FRMD6: variants seen among roughly 807,000 people sequenced by gnomAD.
The protein encoded by FRMD6 is FERM domain-containing protein 6.
Under a neutral mutation model 73.2 loss-of-function variants are expected in FRMD6, and 37 were observed. The ratio of observed to expected loss-of-function variants is 0.51; its 90% CI spans 0.39 to 0.66. FRMD6 has a LOEUF of 0.66. FRMD6 is among the 30% of genes least tolerant of loss of function. The pLI, the probability that FRMD6 is intolerant of heterozygous loss-of-function variation, is 0.00. For synonymous variants in FRMD6, 273 were observed against 282.2 expected, an observed-to-expected ratio of 0.97 and a Z score of 0.33; for missense variants, 714 against 780.5, an observed-to-expected ratio of 0.91 and a Z score of 1.02.
intron 2 of FRMD6, among the ~76,000 whole-genome samples, chr14:51,626,580 T>A (rs1891125335): frequency 6.6e-6 from 1 of 152,224 alleles, no homozygotes; most frequent in Admixed American, 6.5e-5. Flanking sequence ...GTGCCTTCTA[T>A]ATAGCAGGCT....
At chr14:51,429,389 C>T in the FRMD6 span, among the ~76,000 whole-genome samples, 117 of 151,510 alleles carry the variant, frequency 7.7e-4, 2 homozygotes, top group East Asian at 0.018. Flanking sequence ...GCAACCCAGC[C>T]GTTCAAAAAC....
the FRMD6 span, among the ~76,000 whole-genome samples, chr14:51,416,735 C>G: frequency 6.6e-6 from 1 of 152,190 alleles, no homozygotes; most frequent in East Asian, 1.9e-4. Flanking sequence ...GTTGATCTGT[C>G]TAATACTGAC....
At chr14:51,438,391 A>G in the FRMD6 span, among the ~76,000 whole-genome samples, 1 of 152,222 alleles carries the variant, frequency 6.6e-6, no homozygotes, top group Non-Finnish European at 1.5e-5. Context: ...GCTCAGTTTT[A>G]AAGGTTAAAA....
At chr14:51,442,405 A>T in the FRMD6 span, among the ~76,000 whole-genome samples, 1 of 151,898 alleles carries the variant, frequency 6.6e-6, no homozygotes, top group African/African-American at 2.4e-5. Context: ...TTTAAATTCC[A>T]TCCCTTGATG....
chr14:51,444,498 C>A, the FRMD6 span, among the ~76,000 whole-genome samples: 1 of 152,168 alleles, frequency 6.6e-6, no homozygotes. Context: ...TGTAACGAAT[C>A]CATTGTTAGC....
the FRMD6 span, among the ~76,000 whole-genome samples, chr14:51,451,175 C>T: frequency 6.6e-6 from 1 of 152,170 alleles, no homozygotes; most frequent in Non-Finnish European, 1.5e-5. Context: ...CTACATAAAG[C>T]TCAATGCATG....
At chr14:51,674,287 C>T (rs1205128371) in intron 1 of FRMD6, among the ~76,000 whole-genome samples, 2 of 152,132 alleles carry the variant, frequency 1.3e-5, no homozygotes, top group East Asian at 3.8e-4. Flanking sequence ...GCACTCCTCT[C>T]GATGAGTGCT....
Position 51,671,524 on chromosome 14 carries a change from A to G in FRMD6, c.-146-18167A>G, listed in dbSNP as rs149822473. On this transcript the variant is annotated intron_variant, in intron 1 of 13. Transcript: ENST00000344768. ...TACTAACATGTTATAAGATACCTGA[A>G]TAGGATCTAGTTTGAGGCACTAAAA... is the stretch of plus-strand genomic sequence containing the variant. Among the ~76,000 whole-genome samples, 483 of 152,328 alleles carry G rather than the reference A, an allele frequency of 3.2e-3. 8 individuals carry two copies. Among genetic ancestry groups the G allele is most frequent in the East Asian group, 0.032 (164 of 5,192 alleles).
chr14:51,540,117 G>A (rs560960041), intron 1 of FRMD6, among the ~76,000 whole-genome samples: 16 of 152,190 alleles, frequency 1.1e-4, no homozygotes, highest in African/African-American at 3.9e-4. Context: ...AAATTCTAGT[G>A]CTTTGGTGAT....
At chr14:51,601,192 G>A (rs919575238) in intron 2 of FRMD6, among the ~76,000 whole-genome samples, 2 of 152,096 alleles carry the variant, frequency 1.3e-5, no homozygotes, top group Non-Finnish European at 2.9e-5. Context: ...GAAGCCTCTG[G>A]TCAGGGTTGG....
At chr14:51,687,124 T>C (rs1001237475) in intron 1 of FRMD6, among the ~76,000 whole-genome samples, 1 of 152,164 alleles carries the variant, frequency 6.6e-6, no homozygotes, top group Non-Finnish European at 1.5e-5. Flanking sequence ...AAGCAAAAAT[T>C]GTACCCAAAT....
chr14:51,632,234 T>C (rs1891365791), intron 2 of FRMD6, among the ~76,000 whole-genome samples: 2 of 152,232 alleles, frequency 1.3e-5, no homozygotes, highest in African/African-American at 2.4e-5. Flanking sequence ...TGCTGAACTT[T>C]GAGTTAATTA....
intron 11 of FRMD6, among the ~76,000 whole-genome samples, chr14:51,721,319 A>C (rs1897550536): frequency 6.6e-6 from 1 of 152,230 alleles, no homozygotes; most frequent in African/African-American, 2.4e-5. Flanking sequence ...TCCGATAAGA[A>C]AGAACAAGTA....
chr14:51,460,260 C>T, the FRMD6 span, among the ~76,000 whole-genome samples: 2 of 152,086 alleles, frequency 1.3e-5, no homozygotes, highest in African/African-American at 2.4e-5. Context: ...ACATGAACCA[C>T]GAGAGGGAAC....
intron 12 of FRMD6, among the ~76,000 whole-genome samples, chr14:51,725,465 T>G (rs376780153): frequency 1.3e-5 from 2 of 152,322 alleles, no homozygotes; most frequent in East Asian, 1.9e-4. Context: ...AGAGGCTGCT[T>G]TATACCTATA....
In FRMD6 at chr14:51,707,699, A is replaced by T. The variant is rs979025923; in HGVS notation, c.559-379A>T. Among the ~76,000 whole-genome samples, 3 of 152,292 alleles carry T rather than the reference A, an allele frequency of 2.0e-5. No individual in the cohort carries two copies. In the East Asian group the frequency reaches 5.8e-4, roughly 29 times the overall value. Reference sequence around the variant, plus strand: ...GTTAGGTAGGATCCAGAACCTGAAGATGTGCCTACTATAGATGTATTTCAT... The same window carrying T: ...GTTAGGTAGGATCCAGAACCTGAAGTTGTGCCTACTATAGATGTATTTCAT... On this transcript the variant is annotated intron_variant, in intron 6 of 13. Transcript: ENST00000344768.
intron 1 of FRMD6, among the ~76,000 whole-genome samples, chr14:51,510,797 G>A (rs1884253814): frequency 6.6e-6 from 1 of 152,140 alleles, no homozygotes; most frequent in African/African-American, 2.4e-5. Flanking sequence ...CGTCTCTACC[G>A]CCTTCTTTAG....
intron 2 of FRMD6, among the ~76,000 whole-genome samples, chr14:51,596,587 T>G (rs559375942): frequency 3.2e-4 from 49 of 152,230 alleles, no homozygotes; most frequent in African/African-American, 1.2e-3. Flanking sequence ...TTGTGTAGCT[T>G]TATGTATGGG....
At chr14:51,644,635 T>C (rs1891982016) in intron 2 of FRMD6, among the ~76,000 whole-genome samples, 1 of 152,236 alleles carries the variant, frequency 6.6e-6, no homozygotes, top group African/African-American at 2.4e-5. Context: ...CAATGATTTG[T>C]ATATTAAGTC....
Sources: allele counts gnomAD v4.1 joint callset (sites outside exome capture counted in the v4.1 genomes callset), GRCh38; gene constraint gnomAD v4.1.1; transcripts MANE v1.5; gene names NCBI Gene and HGNC (gene_info 2026-07-23, HGNC 2026-07-21).